Variants in DNAJB6 observed in about 807,000 individuals in gnomAD.
DNAJB6 encodes dnaJ homolog subfamily B member 6.
In DNAJB6, 16 loss-of-function variants were observed where a neutral mutation model predicts 42.7. That is an observed-to-expected ratio of 0.37 (90% CI 0.25 to 0.57). The LOEUF (loss-of-function observed/expected upper bound fraction) is 0.57, where lower values mean the gene tolerates loss of function less well. DNAJB6 is among the 20% of genes least tolerant of loss of function. The pLI is 0.74. For synonymous variants in DNAJB6, 170 were observed against 163.5 expected (o/e 1.04, Z -0.30); for missense variants, 347 against 416.8 (o/e 0.83, Z 1.46).
At chr7:157,357,725 G>A (rs1799381976) in intron 1 of DNAJB6, among the ~76,000 whole-genome samples, 1 of 152,150 alleles carries the variant, frequency 6.6e-6, no homozygotes, top group Non-Finnish European at 1.5e-5. Context: ...TCCTCCTTGT[G>A]GGACCAGAGG....
intron 8 of DNAJB6, among the ~76,000 whole-genome samples, chr7:157,400,094 G>GGTTT (rs1282291352): frequency 1.6e-4 from 24 of 152,354 alleles, no homozygotes; most frequent in African/African-American, 5.5e-4. Flanking sequence ...GCCAAAACAT[G>GGTTT]AAGTAGATAT....
intron 5 of DNAJB6, among the ~76,000 whole-genome samples, chr7:157,374,138 G>A (rs532859717): frequency 1.3e-4 from 20 of 151,494 alleles, no homozygotes; most frequent in African/African-American, 2.4e-4. Flanking sequence ...GGGCAGTCCC[G>A]CCCGGCATCC....
intron 5 of DNAJB6, among the ~76,000 whole-genome samples, chr7:157,372,626 A>T (rs1283894039): frequency 6.6e-6 from 1 of 152,130 alleles, no homozygotes; most frequent in Non-Finnish European, 1.5e-5. Flanking sequence ...CAAGAGAGGG[A>T]GGTGGCAGCC....
At chr7:157,345,505 T>A (rs1798639133) in intron 1 of DNAJB6, among the ~76,000 whole-genome samples, 1 of 151,910 alleles carries the variant, frequency 6.6e-6, no homozygotes. Flanking sequence ...TTTGTAGAGA[T>A]GGTGTCTTAC....
Position 157,385,131 on chromosome 7 carries a change from A to T in DNAJB6, c.620+123A>T, listed in dbSNP as rs576537058. The T allele has an allele frequency of 8.4e-5, 87 of 1,031,224 alleles. No homozygotes were observed. The African/African-American group carries it at 1.2e-3, about 15-fold the overall frequency. 63.9% of individuals were successfully genotyped at this position (1,031,224 alleles called of 1,614,324 possible). A position where few individuals can be genotyped will look rare whatever the true frequency, so the allele number is the denominator to read the frequency against. On this transcript the variant is annotated intron_variant, in intron 7 of 9. Coordinates refer to ENST00000262177, the MANE Select transcript of DNAJB6 (RefSeq NM_058246.4). ...TGTATGCTAAATCTGGCGCCATGAA[A>T]ATCTTTTGCTCTCCAAATTCATTAA...
chr7:157,371,901 A>G (rs1394428952), intron 5 of DNAJB6, among the ~76,000 whole-genome samples: 2 of 152,206 alleles, frequency 1.3e-5, no homozygotes, highest in Non-Finnish European at 1.5e-5. Context: ...ATATTCTTGG[A>G]AAACCAAAGC....
chr7:157,383,678 C>G (rs924258577), intron 6 of DNAJB6, among the ~76,000 whole-genome samples: 20 of 151,434 alleles, frequency 1.3e-4, no homozygotes, highest in African/African-American at 4.6e-4. Flanking sequence ...TCTGAGGTGC[C>G]TTACAAAGTA....
chr7:157,352,967 G>C (rs1799072271), intron 1 of DNAJB6, among the ~76,000 whole-genome samples: 1 of 152,046 alleles, frequency 6.6e-6, no homozygotes, highest in Admixed American at 6.6e-5. Context: ...GTGCTTGCTG[G>C]CTTTTTAGAG....
intron 8 of DNAJB6, among the ~76,000 whole-genome samples, chr7:157,397,499 G>A (rs536717030): frequency 3.1e-4 from 47 of 152,332 alleles, no homozygotes; most frequent in Non-Finnish European, 6.2e-4. Context: ...GCGGGGTTTC[G>A]TGAGCCTCTT....
chr7:157,358,206 C>G (rs959952585), intron 1 of DNAJB6, among the ~76,000 whole-genome samples: 2 of 152,346 alleles, frequency 1.3e-5, no homozygotes, highest in East Asian at 3.9e-4. Flanking sequence ...TCCCTGAGCA[C>G]AGACCGTGTC....
At chr7:157,387,229 C>G (rs191419157) in intron 8 of DNAJB6, among the ~76,000 whole-genome samples, 1 of 152,128 alleles carries the variant, frequency 6.6e-6, no homozygotes, top group South Asian at 2.1e-4. Flanking sequence ...AGCATAGCAA[C>G]AGTTAAGTAA....
At chr7:157,354,321 AT>A (rs1266270488) in intron 1 of DNAJB6, among the ~76,000 whole-genome samples, 1 of 151,584 alleles carries the variant, frequency 6.6e-6, no homozygotes, top group African/African-American at 2.4e-5. Context: ...CTAATTTTGT[AT>A]TTTTAGTAGA....
At chr7:157,357,131 TC>T (rs2116938218) in intron 1 of DNAJB6, among the ~76,000 whole-genome samples, 1 of 150,068 alleles carries the variant, frequency 6.7e-6, no homozygotes, top group East Asian at 2.0e-4. Flanking sequence ...AGACCCTGTC[TC>T]AATTAAAAAA....
chr7:157,408,110 ACCCCTCTC>A (rs1292878372), intron 8 of DNAJB6, among the ~76,000 whole-genome samples: 10 of 151,962 alleles, frequency 6.6e-5, no homozygotes, highest in Non-Finnish European at 1.5e-4. Context: ...GGGCTAGGTG[ACCCCTCTC>A]AGCTCAACAG....
intron 8 of DNAJB6, among the ~76,000 whole-genome samples, chr7:157,392,208 A>T (rs1801380668): frequency 6.6e-6 from 1 of 152,018 alleles, no homozygotes; most frequent in Admixed American, 6.5e-5. Context: ...ACTGTCTGTC[A>T]ACAGTTTCTA....
intron 5 of DNAJB6, among the ~76,000 whole-genome samples, chr7:157,367,931 AC>A (rs1449582538): frequency 6.6e-6 from 1 of 152,062 alleles, no homozygotes; most frequent in Non-Finnish European, 1.5e-5. Context: ...ACTAGCCTGA[AC>A]AACATGGTGA....
intron 8 of DNAJB6, among the ~76,000 whole-genome samples, chr7:157,387,216 A>G (rs557818974): frequency 6.6e-6 from 1 of 152,344 alleles, no homozygotes; most frequent in East Asian, 1.9e-4. Flanking sequence ...AGGAGCTCAA[A>G]AAAGCATAGC....
intron 1 of DNAJB6, among the ~76,000 whole-genome samples, chr7:157,349,390 C>G (rs1344068503): frequency 6.6e-6 from 1 of 152,226 alleles, no homozygotes; most frequent in Non-Finnish European, 1.5e-5. Context: ...AGGTGTGACC[C>G]TCCCTTCCCT....
intron 1 of DNAJB6, among the ~76,000 whole-genome samples, chr7:157,352,488 T>G (rs1331437658): frequency 1.3e-5 from 2 of 151,868 alleles, no homozygotes; most frequent in African/African-American, 4.8e-5. Flanking sequence ...TGAGGTGGTA[T>G]GAAGATGGGG....
Sources: allele counts gnomAD v4.1 joint callset (sites outside exome capture counted in the v4.1 genomes callset), GRCh38; gene constraint gnomAD v4.1.1; transcripts MANE v1.5; gene names NCBI Gene and HGNC (gene_info 2026-07-23, HGNC 2026-07-21).